NUMB: variants seen among roughly 807,000 people sequenced by gnomAD.
The protein encoded by NUMB is protein numb homolog.
NUMB carries 29 observed loss-of-function variants against 59.7 expected under a neutral mutation model. The observed-to-expected ratio is 0.49, with a 90% confidence interval of 0.36 to 0.66. The LOEUF is 0.66. Among genes scored for constraint, NUMB ranks in the 30% least tolerant of loss-of-function variants. NUMB has a pLI of 0.00. For missense variants in NUMB, 723 were observed against 822.0 expected (o/e 0.88, Z 1.47); for synonymous variants, 288 against 288.2 (o/e 1.00, Z 0.01).
intron 4 of NUMB, among the ~76,000 whole-genome samples, chr14:73,353,083 T>TG (rs1161107496): frequency 9.5e-6 from 1 of 105,510 alleles, no homozygotes; most frequent in Non-Finnish European, 2.0e-5. Flanking sequence ...TTTTTTTTTT[T>TG]TTTTTTTTTT....
intron 1 of NUMB, among the ~76,000 whole-genome samples, chr14:73,445,333 T>C (rs1448954877): frequency 4.5e-5 from 5 of 110,338 alleles, no homozygotes; most frequent in Non-Finnish European, 8.6e-5. Flanking sequence ...GCAGCCTGAG[T>C]GACAAAGTGA....
rs1373581923 is a variant in NUMB at position 73,353,077 on chromosome 14, T to TC, written c.126+2548_126+2549insG. Reference sequence around the variant, plus strand: ...TGGATGCCACAGTTTTTCTTGTTTTTTTTTTTTTTTTTTTTTTTTTTTTTG... The same window carrying TC: ...TGGATGCCACAGTTTTTCTTGTTTTTCTTTTTTTTTTTTTTTTTTTTTTTTG... On this transcript the variant is annotated intron_variant, in intron 4 of 12. Coordinates refer to ENST00000555238, the MANE Select transcript of NUMB (RefSeq NM_001005743.2). 9.9e-4 allele frequency among the ~76,000 whole-genome samples: 90 copies of TC among 90,930 alleles called. 10 individuals are homozygous for TC. Among genetic ancestry groups the TC allele is most frequent in the Middle Eastern group, 4.8e-3 (1 of 210 alleles). The allele number at this position is 90,930 out of a possible 152,430, so 59.7% of individuals were successfully genotyped here.
intron 5 of NUMB, among the ~76,000 whole-genome samples, chr14:73,322,389 G>A (rs988812570): frequency 2.0e-5 from 3 of 152,190 alleles, no homozygotes; most frequent in African/African-American, 4.8e-5. Context: ...CAGAGGAAAC[G>A]TTATCCTGGG....
At chr14:73,339,365 CT>C (rs529287607) in intron 4 of NUMB, among the ~76,000 whole-genome samples, 359 of 152,284 alleles carry the variant, frequency 2.4e-3, no homozygotes, top group Non-Finnish European at 4.5e-3. Context: ...TCTAAACACA[CT>C]GGCCTCCTTG....
At chr14:73,400,450 GT>G (rs1489056944) in intron 2 of NUMB, among the ~76,000 whole-genome samples, 1 of 152,162 alleles carries the variant, frequency 6.6e-6, no homozygotes, top group East Asian at 1.9e-4. Context: ...GTCAATGTGG[GT>G]TTATCGATTA....
At chr14:73,389,294 C>CAAAAAAA (rs202010932) in intron 2 of NUMB, among the ~76,000 whole-genome samples, 2 of 77,254 alleles carry the variant, frequency 2.6e-5, no homozygotes, top group African/African-American at 5.2e-5. Flanking sequence ...AAAAAAAAAA[C>CAAAAAAA]AAAAACAAAA....
intron 2 of NUMB, among the ~76,000 whole-genome samples, chr14:73,403,770 A>G (rs576734519): frequency 3.6e-4 from 55 of 152,250 alleles, no homozygotes; most frequent in Non-Finnish European, 6.8e-4. Flanking sequence ...AACCTGGCCA[A>G]CATGGCAAAA....
chr14:73,286,529 A>G (rs139457779), intron 9 of NUMB: 184 of 154,598 alleles, frequency 1.2e-3, no homozygotes, highest in Non-Finnish European at 2.3e-3. Context: ...CTGTGATGCC[A>G]TGTGTACCTA....
At chr14:73,444,770 T>C (rs1423312792) in intron 1 of NUMB, among the ~76,000 whole-genome samples, 1 of 151,152 alleles carries the variant, frequency 6.6e-6, no homozygotes, top group Non-Finnish European at 1.5e-5. Context: ...GGCAGGAGAA[T>C]TGCTTGAACC....
At chr14:73,427,097 G>T (rs983459164) in intron 1 of NUMB, among the ~76,000 whole-genome samples, 14 of 152,166 alleles carry the variant, frequency 9.2e-5, no homozygotes, top group Non-Finnish European at 1.3e-4. Flanking sequence ...TATTTATAAA[G>T]AAGGCTGAAA....
In NUMB at chr14:73,279,697, T is replaced by A. The variant is rs537998491; in HGVS notation, c.1097-273A>T. 4.6e-4 allele frequency among the ~76,000 whole-genome samples: 70 copies of A among 152,302 alleles called. 1 individual carries two copies. The South Asian group carries it at 0.013, about 28-fold the overall frequency. ...GCATGGGGAGTGGGGAAATGAAACC[T>A]ACGAAAACAATTTCAAATTAAGGTG... is the stretch of plus-strand genomic sequence containing the variant. On this transcript the variant is annotated intron_variant, in intron 11 of 12. Transcript: ENST00000555238.
chr14:73,307,233 C>T (rs887824295), intron 6 of NUMB, among the ~76,000 whole-genome samples: 2 of 151,688 alleles, frequency 1.3e-5, no homozygotes, highest in African/African-American at 2.4e-5. Flanking sequence ...GGCATGAACC[C>T]GGGAGGCGGA....
intron 6 of NUMB, among the ~76,000 whole-genome samples, chr14:73,314,617 C>T (rs923209942): frequency 6.6e-6 from 1 of 152,106 alleles, no homozygotes; most frequent in African/African-American, 2.4e-5. Flanking sequence ...GCGTGCACCA[C>T]CACATCCAGC....
At chr14:73,408,715 T>C (rs1362042212) in intron 2 of NUMB, among the ~76,000 whole-genome samples, 3 of 151,626 alleles carry the variant, frequency 2.0e-5, no homozygotes, top group Non-Finnish European at 4.4e-5. Flanking sequence ...CCGTCTCTAC[T>C]AAAAATACAA....
chr14:73,315,779 A>G (rs1891054460), intron 6 of NUMB, among the ~76,000 whole-genome samples: 1 of 152,178 alleles, frequency 6.6e-6, no homozygotes, highest in South Asian at 2.1e-4. Flanking sequence ...TGTTACAAAT[A>G]TTGCTAATAT....
chr14:73,425,011 A>T (rs912894345), intron 1 of NUMB, among the ~76,000 whole-genome samples: 1 of 152,126 alleles, frequency 6.6e-6, no homozygotes, highest in African/African-American at 2.4e-5. Context: ...AAAGATCTTT[A>T]CCTCAGTCAG....
At chr14:73,381,678 C>T (rs72736337) in intron 2 of NUMB, among the ~76,000 whole-genome samples, 3,083 of 152,256 alleles carry the variant, frequency 0.02, 50 homozygotes, top group Non-Finnish European at 0.034. Flanking sequence ...ATAAAGGCAC[C>T]TTTCCTCCCT....
At chr14:73,402,962 T>C (rs989487762) in intron 2 of NUMB, among the ~76,000 whole-genome samples, 4 of 152,220 alleles carry the variant, frequency 2.6e-5, no homozygotes, top group Non-Finnish European at 2.9e-5. Flanking sequence ...AATGTAATCA[T>C]ATAACTGTGA....
intron 4 of NUMB, among the ~76,000 whole-genome samples, chr14:73,337,279 G>A (rs1594921378): frequency 6.6e-6 from 1 of 152,256 alleles, no homozygotes; most frequent in East Asian, 1.9e-4. Flanking sequence ...GGGAGGTCAA[G>A]GTGGGCAGAT....
Sources: gnomAD v4.1 joint callset for allele counts (sites outside exome capture counted in the v4.1 genomes callset) on GRCh38, gnomAD v4.1.1 for gene constraint, MANE v1.5 for transcripts, NCBI Gene and HGNC (gene_info 2026-07-23, HGNC 2026-07-21) for gene names.